Variants in SBNO2 observed in about 807,000 individuals in gnomAD.
SBNO2 encodes the protein protein strawberry notch homolog 2.
SBNO2 carries 89 observed loss-of-function variants against 146.3 expected under a neutral mutation model. The observed-to-expected ratio is 0.61, with a 90% CI of 0.51 to 0.73. The LOEUF (loss-of-function observed/expected upper bound fraction) is 0.73, where lower values mean the gene tolerates loss of function less well. Ranked by LOEUF, SBNO2 falls within the 30% of genes least tolerant of loss-of-function variation. The pLI, the probability that SBNO2 is intolerant of heterozygous loss-of-function variation, is 0.00. For synonymous variants in SBNO2, 1,147 were observed against 892.6 expected (o/e 1.29, Z -5.08); for missense variants, 2,092 against 2,003.7 (o/e 1.04, Z -0.84).
At chr19:1,123,395 C>G in intron 7 of SBNO2, 139 bp downstream of exon 7, 1 of 720,624 alleles carries the variant, frequency 1.4e-6, no homozygotes, top group Non-Finnish European at 2.3e-6. Flanking sequence ...GATTGTAGAA[C>G]CTGTCCCCGG....
chr19:1,132,469 C>G (rs1045402697), intron 4 of SBNO2, among the ~76,000 whole-genome samples: 1 of 152,220 alleles, frequency 6.6e-6, no homozygotes, highest in Non-Finnish European at 1.5e-5. Flanking sequence ...TTTGGGGCAC[C>G]CGGCGGACGT....
chr19:1,125,481 A>C (rs1466662172), intron 5 of SBNO2, among the ~76,000 whole-genome samples: 2 of 151,880 alleles, frequency 1.3e-5, no homozygotes, highest in Non-Finnish European at 2.9e-5. Context: ...GACCAGCCTG[A>C]CCAAAATGGA....
Position 1,127,770 on chromosome 19 carries a change from A to T in SBNO2, c.280-5T>A. 1 of 1,612,684 alleles carries T rather than the reference A, an allele frequency of 6.2e-7. No individual in the cohort carries two copies. The highest frequency in any genetic ancestry group is 8.5e-7 in the Non-Finnish European group (1 of 1,179,178). On this transcript the variant is annotated splice_polypyrimidine_tract_variant and splice_region_variant and intron_variant, in intron 4 of 31. Transcript: ENST00000361757. ...GTCCTCAAAATAGGAGGAGTCCTGG[A>T]AGACAAGGCCAGGCCCGGTGAGGGT... is the stretch of plus-strand genomic sequence containing the variant.
chr19:1,149,529 G>A (rs570964960), intron 2 of SBNO2, 87 bp from the exon 3 acceptor site: 291 of 1,275,970 alleles, frequency 2.3e-4, no homozygotes, highest in South Asian at 1.1e-3. Flanking sequence ...GTGACAGGCC[G>A]AGAGGCTAGG....
intron 17 of SBNO2, 112 bp downstream of exon 17, chr19:1,115,909 G>A: frequency 2.3e-6 from 2 of 863,836 alleles, no homozygotes; most frequent in Non-Finnish European, 3.7e-6. Flanking sequence ...GACAGGACCT[G>A]CATTTGGCTG....
At position 1,109,007 on chromosome 19, in the gene SBNO2, C is replaced by A; in HGVS notation, c.3426-38G>T. ...CGGGTCGTCTCGGCTCAGGCGGGTC[C>A]CAGGGGCCCGCAGGCTCCCCAGGTG... On this transcript the variant is annotated intron_variant, in intron 30 of 31. Transcript: ENST00000361757. The surrounding 1 kb of genome is among the most constrained non-coding windows in gnomAD (Gnocchi z 4.2). The A allele has an allele frequency of 6.7e-7, 1 of 1,490,784 alleles. No homozygotes were observed. Among genetic ancestry groups the A allele is most frequent in the Non-Finnish European group, 8.9e-7 (1 of 1,123,498 alleles). The allele number at this position is 1,490,784 out of a possible 1,614,324, so 92.3% of individuals were successfully genotyped here. A position where few individuals can be genotyped will look rare whatever the true frequency, so the allele number is the denominator to read the frequency against.
At chr19:1,132,231 G>A (rs559870950) in intron 4 of SBNO2, 3 of 1,303,650 alleles carry the variant, frequency 2.3e-6, no homozygotes, top group Non-Finnish European at 2.9e-6. Flanking sequence ...TGGGTCGGCC[G>A]GGGCGGACGG....
chr19:1,132,664 C>T (rs1350211329), intron 4 of SBNO2, among the ~76,000 whole-genome samples: 1 of 152,240 alleles, frequency 6.6e-6, no homozygotes, highest in African/African-American at 2.4e-5. Flanking sequence ...CTGCTGCGCC[C>T]CCCTGGGGCT....
chr19:1,140,779 G>A lies in SBNO2; in HGVS notation c.279+6530C>T, dbSNP rs2080128160. On this transcript the variant is annotated intron_variant, in intron 4 of 31. Transcript: ENST00000361757. The surrounding 1 kb of genome is among the most constrained non-coding windows in gnomAD (Gnocchi z 4.4). ...CCCGCCTTGGGCAGGACCAGCCTCT[G>A]CTCAGCCTTGGGTCTTCCCCCAGGC... is the stretch of plus-strand genomic sequence containing the variant. Among the ~76,000 whole-genome samples the A allele has an allele frequency of 6.6e-6, 1 of 151,826 alleles. No homozygotes were observed. The highest frequency in any genetic ancestry group is 2.1e-4 in the South Asian group (1 of 4,822).
At chr19:1,116,129 C>A in intron 16 of SBNO2, 26 bp from the exon 17 acceptor site, 2 of 1,592,160 alleles carry the variant, frequency 1.3e-6, no homozygotes, top group South Asian at 1.1e-5. Flanking sequence ...GGAGTTTATT[C>A]TCACACGAGG....
Position 1,111,012 on chromosome 19 carries a change from C to A in SBNO2, c.2884+7G>T, listed in dbSNP as rs1397535042. ...AGCGCCTCTGGGCCTGGGTGTGGGG[C>A]ACTCACCCTTCTCCACGTCCAGGCA... is the stretch of plus-strand genomic sequence containing the variant. On this transcript the variant is annotated splice_region_variant and intron_variant, in intron 25 of 31. Transcript: ENST00000361757. 6.3e-7 allele frequency: 1 copy of A among 1,593,004 alleles called. No individual in the cohort carries two copies. The highest frequency in any genetic ancestry group is 1.8e-5 in the Admixed American group (1 of 56,458).
intron 1 of SBNO2, among the ~76,000 whole-genome samples, chr19:1,169,496 G>C (rs1047060393): frequency 6.6e-6 from 1 of 152,200 alleles, no homozygotes; most frequent in South Asian, 2.1e-4. Flanking sequence ...CAAGAGCCCC[G>C]TAGGGCCCCT....
intron 4 of SBNO2, among the ~76,000 whole-genome samples, chr19:1,147,071 A>T (rs1466153933): frequency 6.6e-6 from 1 of 151,904 alleles, no homozygotes; most frequent in Non-Finnish European, 1.5e-5. Context: ...GCTCGCAGGG[A>T]CCCCAAGGGC....
At chr19:1,120,167 A>T in intron 11 of SBNO2, 144 bp from the exon 12 acceptor site, 7 of 571,458 alleles carry the variant, frequency 1.2e-5, no homozygotes, top group African/African-American at 1.9e-5. Flanking sequence ...CCCAGGTCGG[A>T]GTGGCAGCCG....
At chr19:1,122,095 C>A (rs867657126) in intron 11 of SBNO2, 44 bp downstream of exon 11, 5 of 1,353,098 alleles carry the variant, frequency 3.7e-6, no homozygotes, top group Middle Eastern at 3.8e-4. Flanking sequence ...TCCCTCCGAC[C>A]CCCTAATCCA....
rs1192883258 is a variant in SBNO2, at chr19:1,161,538, G to C, written c.-126-7136C>G. On this transcript the variant is annotated intron_variant, in intron 1 of 31. Transcript: ENST00000361757. ...GGGGTGGGGGTGCCTGAGCACTGGG[G>C]GGGTGGAAGTGGGGGTGGGAGTGCC... is the stretch of plus-strand genomic sequence containing the variant. 4.4e-5 allele frequency among the ~76,000 whole-genome samples: 4 copies of C among 90,940 alleles called. No homozygotes were observed. In the East Asian group the frequency reaches 1.7e-3, roughly 39 times the overall value. The allele number at this position is 90,940 out of a possible 152,430, so 59.7% of individuals were successfully genotyped here.
intron 4 of SBNO2, chr19:1,132,218 C>T: frequency 7.5e-7 from 1 of 1,339,732 alleles, no homozygotes; most frequent in Non-Finnish European, 9.6e-7. Context: ...GCAGCCCCAG[C>T]ATTGGGTCGG....
At chr19:1,171,675 G>A (rs745477512) in intron 1 of SBNO2, among the ~76,000 whole-genome samples, 3 of 152,282 alleles carry the variant, frequency 2.0e-5, no homozygotes, top group African/African-American at 4.8e-5. Context: ...AGGGGCATCC[G>A]TGACTCCGCT....
In SBNO2 at chr19:1,136,977, C is replaced by T. The variant is rs1555724292; in HGVS notation, c.280-9212G>A. Among the ~76,000 whole-genome samples the T allele has an allele frequency of 6.6e-6, 1 of 151,412 alleles. No homozygotes were observed. The highest frequency in any genetic ancestry group is 1.5e-5 in the Non-Finnish European group (1 of 67,914). On this transcript the variant is annotated intron_variant, in intron 4 of 31. Coordinates refer to ENST00000361757, the MANE Select transcript of SBNO2 (RefSeq NM_014963.3). This position sits in a 1 kb window ranked among gnomAD's most constrained non-coding sequence, Gnocchi z 4.2. ...ACAGGACAGGTGGTGGGCAAGGGGG[C>T]AGCACCTGGGGAATGGGGATGGGCT...
Sources: gnomAD v4.1 joint callset for allele counts (sites outside exome capture counted in the v4.1 genomes callset) on GRCh38, gnomAD v4.1.1 for gene constraint, Gnocchi (gnomAD v3.1) non-coding constraint, MANE v1.5 for transcripts, NCBI Gene and HGNC (gene_info 2026-07-23, HGNC 2026-07-21) for gene names.